Variants in CEP70 observed in about 807,000 individuals in gnomAD.
CEP70 encodes centrosomal protein 70, also known as centrosomal protein of 70 kDa.
In CEP70, 70 loss-of-function variants were observed where a neutral mutation model predicts 90.9. That is an observed-to-expected ratio of 0.77 (90% CI 0.64 to 0.94). The LOEUF (loss-of-function observed/expected upper bound fraction) is 0.94, where lower values mean the gene tolerates loss of function less well. Ranked by LOEUF, CEP70 falls within the 40% of genes least tolerant of loss-of-function variation. CEP70 has a pLI of 0.00. For synonymous variants in CEP70, 220 were observed against 228.3 expected, an observed-to-expected ratio of 0.96 and a Z score of 0.33; for missense variants, 648 against 669.0, an observed-to-expected ratio of 0.97 and a Z score of 0.35.
intron 6 of CEP70, among the ~76,000 whole-genome samples, chr3:138,542,736 A>T (rs904058463): frequency 6.6e-6 from 1 of 152,196 alleles, no homozygotes; most frequent in African/African-American, 2.4e-5. Flanking sequence ...GTCGGCCAGG[A>T]ACGTGTTACA....
chr3:138,508,022 A>C (rs1032079389), intron 12 of CEP70, among the ~76,000 whole-genome samples: 1 of 152,174 alleles, frequency 6.6e-6, no homozygotes, highest in Admixed American at 6.5e-5. Flanking sequence ...GATTCCCTAT[A>C]TCACACCATA....
At chr3:138,542,594 G>C (rs1379745703) in intron 6 of CEP70, among the ~76,000 whole-genome samples, 2 of 152,234 alleles carry the variant, frequency 1.3e-5, no homozygotes, top group African/African-American at 4.8e-5. Flanking sequence ...CAGCCACCAG[G>C]TGCCAGTGGA....
At chr3:138,533,731 G>GTTACATTT (rs1188160867) in intron 7 of CEP70, among the ~76,000 whole-genome samples, 2 of 152,100 alleles carry the variant, frequency 1.3e-5, no homozygotes, top group Non-Finnish European at 2.9e-5. Flanking sequence ...AAGCAGATTT[G>GTTACATTT]TTACATTTTA....
At chr3:138,498,430 C>T (rs1228707203) in intron 16 of CEP70, among the ~76,000 whole-genome samples, 1 of 151,268 alleles carries the variant, frequency 6.6e-6, no homozygotes, top group Admixed American at 6.6e-5. Context: ...CTCCGCCTCC[C>T]GGGTTCACGC....
intron 8 of CEP70, chr3:138,530,929 A>C (rs1211029270): frequency 1.3e-6 from 1 of 766,806 alleles, no homozygotes; most frequent in Non-Finnish European, 1.6e-6. Context: ...TGAATCCCGA[A>C]AAACTCCCTC....
chr3:138,507,790 A>G (rs1164517266), intron 12 of CEP70, among the ~76,000 whole-genome samples: 2 of 152,192 alleles, frequency 1.3e-5, no homozygotes, highest in African/African-American at 4.8e-5. Context: ...GATAATAACC[A>G]TGCAGGAATT....
chr3:138,585,169 T>C (rs1018430558), intron 2 of CEP70, among the ~76,000 whole-genome samples: 3 of 152,162 alleles, frequency 2.0e-5, no homozygotes, highest in Non-Finnish European at 4.4e-5. Flanking sequence ...AAAAAGCTAT[T>C]TGAACTGGTA....
intron 11 of CEP70, 73 bp from the exon 12 acceptor site, chr3:138,508,617 C>A: frequency 1.1e-6 from 1 of 946,002 alleles, no homozygotes. Context: ...TAAACTAAGT[C>A]AATGATCCAG....
At position 138,498,578 on chromosome 3, in the gene CEP70, C is replaced by T. The variant is rs373948060; in HGVS notation, c.1653-468G>A. On this transcript the variant is annotated intron_variant, in intron 16 of 17. Coordinates refer to ENST00000264982, the MANE Select transcript of CEP70 (RefSeq NM_024491.4). ...CTCAATCTCCTGACCTCGTGATCCG[C>T]CCACCTCGGCCTCCCAAAGTGCTGG... Among the ~76,000 whole-genome samples, 143 of 151,878 alleles carry T rather than the reference C, an allele frequency of 9.4e-4. 5 individuals are homozygous for T. In the South Asian group the frequency reaches 0.023, roughly 24 times the overall value.
At chr3:138,504,308 AG>A (rs1356270645) in intron 13 of CEP70, among the ~76,000 whole-genome samples, 1 of 152,234 alleles carries the variant, frequency 6.6e-6, no homozygotes, top group Non-Finnish European at 1.5e-5. Flanking sequence ...CTATATAAAA[AG>A]GGAAGTCGAA....
In CEP70 at chr3:138,509,336, T is replaced by C. The variant is rs2035305343; in HGVS notation, c.945-792A>G. ...GACGTTTGGTCCCTCTCTCTTTGTATTCTACCAGTGGCAAAGAACAGAAAA... is the reference window on the plus strand; with the variant it reads ...GACGTTTGGTCCCTCTCTCTTTGTACTCTACCAGTGGCAAAGAACAGAAAA... On this transcript the variant is annotated intron_variant, in intron 11 of 17. Transcript: ENST00000264982. Among the ~76,000 whole-genome samples the C allele has an allele frequency of 2.0e-5, 3 of 152,308 alleles. 1 individual carries two copies. Among genetic ancestry groups the C allele is most frequent in the African/African-American group, 7.2e-5 (3 of 41,566 alleles).
At chr3:138,568,608 A>G (rs1342687098) in intron 6 of CEP70, among the ~76,000 whole-genome samples, 1 of 152,200 alleles carries the variant, frequency 6.6e-6, no homozygotes, top group African/African-American at 2.4e-5. Flanking sequence ...CAATGCATAT[A>G]GAAAGTATTT....
intron 7 of CEP70, among the ~76,000 whole-genome samples, chr3:138,535,185 TTGACGTCCC>T (rs1263963477): frequency 1.3e-5 from 2 of 152,248 alleles, no homozygotes; most frequent in East Asian, 3.8e-4. Flanking sequence ...TCTTGGACTC[TTGACGTCCC>T]AAACACATTC....
intron 6 of CEP70, among the ~76,000 whole-genome samples, chr3:138,540,269 T>C (rs1240145263): frequency 1.3e-5 from 2 of 151,508 alleles, no homozygotes; most frequent in Non-Finnish European, 2.9e-5. Flanking sequence ...CTGAGGCAAG[T>C]GGATCACCTG....
chr3:138,579,218 T>A (rs1032848671), intron 2 of CEP70, among the ~76,000 whole-genome samples: 1 of 152,156 alleles, frequency 6.6e-6, no homozygotes, highest in African/African-American at 2.4e-5. Flanking sequence ...AACTTGAGTT[T>A]CAGCAAGCCT....
intron 6 of CEP70, among the ~76,000 whole-genome samples, chr3:138,561,401 G>A (rs680070): frequency 0.59 from 89,716 of 151,826 alleles, 27,057 homozygotes; most frequent in East Asian, 0.95. Flanking sequence ...ATCAATATCA[G>A]AGACAAAAGG....
intron 6 of CEP70, among the ~76,000 whole-genome samples, chr3:138,537,636 TG>T (rs2107816723): frequency 6.6e-6 from 1 of 152,272 alleles, no homozygotes; most frequent in Admixed American, 6.5e-5. Context: ...TCCATAAAAC[TG>T]GTATAATTTT....
chr3:138,541,291 A>G (rs913625361), intron 6 of CEP70, among the ~76,000 whole-genome samples: 1 of 152,194 alleles, frequency 6.6e-6, no homozygotes, highest in Non-Finnish European at 1.5e-5. Flanking sequence ...AAGCATCAAG[A>G]GAAAAGAAGA....
At chr3:138,523,288 G>A (rs1437186029) in intron 11 of CEP70, among the ~76,000 whole-genome samples, 1 of 152,108 alleles carries the variant, frequency 6.6e-6, no homozygotes, top group Non-Finnish European at 1.5e-5. Flanking sequence ...GGCAAAAACT[G>A]GAAGCATTCC....
Sources: allele counts gnomAD v4.1 joint callset (sites outside exome capture counted in the v4.1 genomes callset), GRCh38; gene constraint gnomAD v4.1.1; transcripts MANE v1.5; gene names NCBI Gene and HGNC (gene_info 2026-07-23, HGNC 2026-07-21).